Variants in SMARCAD1 observed in about 807,000 individuals in gnomAD.
The protein encoded by SMARCAD1 is SNF2 related chromatin remodeling ATPase with DExD box 1, also known as SWI/SNF-related matrix-associated actin-dependent regulator of chromatin subfamily A containing DEAD/H box 1.
SMARCAD1 carries 25 observed loss-of-function variants against 127.1 expected under a neutral mutation model. The ratio of observed to expected loss-of-function variants is 0.20; its 90% CI spans 0.14 to 0.27. SMARCAD1 has a LOEUF of 0.27. SMARCAD1 is among the 10% of genes least tolerant of loss of function. The pLI is 1.00. For synonymous variants in SMARCAD1, 400 were observed against 396.9 expected (o/e 1.01, Z -0.09); for missense variants, 807 against 1,206.0 (o/e 0.67, Z 4.90).
At chr4:94,244,905 G>A (rs1268823979) in intron 6 of SMARCAD1, among the ~76,000 whole-genome samples, 14 of 152,144 alleles carry the variant, frequency 9.2e-5, no homozygotes, top group Admixed American at 9.2e-4. Flanking sequence ...TGTGACAGCA[G>A]TGTTTATAGC....
chr4:94,280,322 C>T (rs2125997342), intron 19 of SMARCAD1, among the ~76,000 whole-genome samples: 1 of 152,060 alleles, frequency 6.6e-6, no homozygotes, highest in Non-Finnish European at 1.5e-5. Flanking sequence ...TCATCTATAC[C>T]CCAGACTTCT....
At chr4:94,284,018 A>T (rs544628554) in intron 22 of SMARCAD1, among the ~76,000 whole-genome samples, 1 of 151,546 alleles carries the variant, frequency 6.6e-6, no homozygotes, top group African/African-American at 2.4e-5. Flanking sequence ...CATTGGTCAC[A>T]GCACTGTAAA....
chr4:94,225,214 A>G (rs1394014110), intron 2 of SMARCAD1, among the ~76,000 whole-genome samples: 2 of 152,142 alleles, frequency 1.3e-5, no homozygotes, highest in East Asian at 3.9e-4. Context: ...GTGACTTAAG[A>G]AATTTATTTT....
chr4:94,264,839 C>G lies in SMARCAD1; in HGVS notation c.1414C>G (p.Gln472Glu). 1 of 1,613,102 alleles carries G rather than the reference C, an allele frequency of 6.2e-7. No individual in the cohort carries two copies. The highest frequency in any genetic ancestry group is 8.5e-7 in the Non-Finnish European group (1 of 1,179,320). Residue 472 changes from glutamine to glutamate, a missense_variant, in exon 10 of 24, where the codon CAA becomes GAA. Coordinates refer to ENST00000354268, the MANE Select transcript of SMARCAD1 (RefSeq NM_020159.5). ...AGACATTTCAAATAAATTGACCAAA[C>G]AAGTTACCATGCTTACTGGAAATGG... ...CEDISNKLTK[Q>E]VTMLTGNGGG...
intron 6 of SMARCAD1, among the ~76,000 whole-genome samples, chr4:94,247,367 C>T (rs1288225074): frequency 6.6e-6 from 1 of 152,130 alleles, no homozygotes; most frequent in African/African-American, 2.4e-5. Context: ...GTGTAACCTC[C>T]TGGACCACAT....
At chr4:94,289,405 AATT>A in intron 23 of SMARCAD1, 65 bp from the exon 24 acceptor site, 1 of 1,399,336 alleles carries the variant, frequency 7.1e-7, no homozygotes, top group Non-Finnish European at 1.0e-6. Flanking sequence ...GAAAAAAAAT[AATT>A]GAGACAATTT....
At chr4:94,218,228 G>T (rs1418268756) in intron 2 of SMARCAD1, among the ~76,000 whole-genome samples, 1 of 151,916 alleles carries the variant, frequency 6.6e-6, no homozygotes, top group Non-Finnish European at 1.5e-5. Flanking sequence ...CTTTTGCCTT[G>T]TTCAGTGTTA....
intron 2 of SMARCAD1, among the ~76,000 whole-genome samples, chr4:94,210,116 A>G: frequency 6.6e-6 from 1 of 152,220 alleles, no homozygotes; most frequent in Non-Finnish European, 1.5e-5. Context: ...AGTGATCAGA[A>G]GATATTTTTC....
At chr4:94,275,800 T>TATTTTATTTTATTTTATTTA (rs1309423240) in intron 14 of SMARCAD1, among the ~76,000 whole-genome samples, 2 of 141,172 alleles carry the variant, frequency 1.4e-5, no homozygotes, top group Admixed American at 1.5e-4. Flanking sequence ...CATTTTCTTT[T>TATTTTATTTTATTTTATTTA]TTTTTTTTTT....
chr4:94,252,097 G>A (rs1749368112), intron 8 of SMARCAD1, among the ~76,000 whole-genome samples: 3 of 152,184 alleles, frequency 2.0e-5, no homozygotes, highest in African/African-American at 7.2e-5. Flanking sequence ...TGATCTGCCC[G>A]CGTCGGCCTC....
rs773364484 is a variant in SMARCAD1 at position 94,249,637 on chromosome 4, T to G, written c.706-17T>G. ...GATATCTCTTAAATTGTTTTCTTTT[T>G]TTTTTCTCCCCATTAGGGAGAGGAA... On this transcript the variant is annotated splice_polypyrimidine_tract_variant and intron_variant, in intron 6 of 23. Coordinates refer to ENST00000354268, the MANE Select transcript of SMARCAD1 (RefSeq NM_020159.5). The G allele has an allele frequency of 7.5e-7, 1 of 1,329,756 alleles. No individual in the cohort carries two copies. The highest frequency in any genetic ancestry group is 1.2e-5 in the South Asian group (1 of 84,386). 82.4% of individuals were successfully genotyped at this position (1,329,756 alleles called of 1,614,324 possible).
intron 5 of SMARCAD1, among the ~76,000 whole-genome samples, chr4:94,238,841 A>G (rs565538551): frequency 3.3e-5 from 5 of 152,286 alleles, no homozygotes; most frequent in Non-Finnish European, 5.9e-5. Context: ...ATCTTATTCA[A>G]CTTATTCATT....
At chr4:94,253,246 T>G (rs1285814932) in intron 9 of SMARCAD1, 2 of 1,489,746 alleles carry the variant, frequency 1.3e-6, no homozygotes, top group Admixed American at 4.0e-5. Context: ...CTGGGAATAC[T>G]GTCACTCATT....
At chr4:94,229,751 G>A (rs977025896) in intron 3 of SMARCAD1, among the ~76,000 whole-genome samples, 1 of 151,796 alleles carries the variant, frequency 6.6e-6, no homozygotes, top group Non-Finnish European at 1.5e-5. Context: ...CTCGGGTGTA[G>A]GGGGTTGGAG....
At chr4:94,233,625 T>G (rs1453233774) in intron 3 of SMARCAD1, among the ~76,000 whole-genome samples, 1 of 152,138 alleles carries the variant, frequency 6.6e-6, no homozygotes, top group Non-Finnish European at 1.5e-5. Flanking sequence ...ATAGAGAGTA[T>G]TGGTGAAAGA....
chr4:94,272,449 A>G (rs138160001), intron 11 of SMARCAD1, among the ~76,000 whole-genome samples: 3 of 152,192 alleles, frequency 2.0e-5, no homozygotes, highest in East Asian at 1.9e-4. Flanking sequence ...CTTTTTACAT[A>G]TATGTACACC....
chr4:94,267,391 G>T (rs565285199), intron 10 of SMARCAD1, among the ~76,000 whole-genome samples: 9 of 152,208 alleles, frequency 5.9e-5, no homozygotes, highest in Non-Finnish European at 1.3e-4. Context: ...ATAAACTTTT[G>T]GTCGGACAGC....
At chr4:94,287,795 A>G (rs541627474) in intron 23 of SMARCAD1, among the ~76,000 whole-genome samples, 2 of 152,100 alleles carry the variant, frequency 1.3e-5, no homozygotes, top group South Asian at 4.1e-4. Flanking sequence ...AAAAATATAT[A>G]TATATTACCA....
intron 5 of SMARCAD1, among the ~76,000 whole-genome samples, chr4:94,237,330 T>A (rs1189790703): frequency 6.6e-6 from 1 of 152,108 alleles, no homozygotes. Flanking sequence ...AGGAACATAA[T>A]GTCTTAGGGA....
Sources: allele counts gnomAD v4.1 joint callset (sites outside exome capture counted in the v4.1 genomes callset), GRCh38; gene constraint gnomAD v4.1.1; transcripts MANE v1.5; gene names NCBI Gene and HGNC (gene_info 2026-07-23, HGNC 2026-07-21).